PIP5K1B: variants seen among roughly 807,000 people sequenced by gnomAD.
PIP5K1B encodes the protein phosphatidylinositol 4-phosphate 5-kinase type-1 beta.
PIP5K1B carries 42 observed loss-of-function variants against 67.0 expected under a neutral mutation model. That is an observed-to-expected ratio of 0.63 (90% CI 0.49 to 0.81). PIP5K1B has a LOEUF of 0.81. Among genes scored for constraint, PIP5K1B ranks in the 30% least tolerant of loss-of-function variants. The pLI, the probability that PIP5K1B is intolerant of heterozygous loss-of-function variation, is 0.00. For synonymous variants in PIP5K1B, 214 were observed against 231.4 expected, an observed-to-expected ratio of 0.92 and a Z score of 0.68; for missense variants, 459 against 646.3, an observed-to-expected ratio of 0.71 and a Z score of 3.14.
rs113434174 is a variant in PIP5K1B at position 69,008,177 on chromosome 9, T to C, written c.1621-270T>C. On this transcript the variant is annotated intron_variant, in intron 15 of 15. Transcript: ENST00000265382. ...CTTGGAGGGCAGGAGGGTGTCTTAGTCAGTGTTGCTTCCTTCCAAGTCCCG... is the reference window on the plus strand; with the variant it reads ...CTTGGAGGGCAGGAGGGTGTCTTAGCCAGTGTTGCTTCCTTCCAAGTCCCG... Among the ~76,000 whole-genome samples the C allele has an allele frequency of 1.9e-3, 292 of 152,322 alleles. 2 individuals carry two copies. The highest frequency in any genetic ancestry group is 6.6e-3 in the African/African-American group (275 of 41,562).
chr9:68,849,381 ATTTTAT>A (rs1822363991), intron 4 of PIP5K1B, among the ~76,000 whole-genome samples: 1 of 152,080 alleles, frequency 6.6e-6, no homozygotes, highest in African/African-American at 2.4e-5. Flanking sequence ...TCTCATTTTA[ATTTTAT>A]TTTTATTTTT....
chr9:68,714,418 T>C (rs988287141), intron 1 of PIP5K1B, among the ~76,000 whole-genome samples: 11 of 152,226 alleles, frequency 7.2e-5, no homozygotes, highest in Admixed American at 2.6e-4. Flanking sequence ...CTGCTTCTCA[T>C]CATTTGTGCG....
At chr9:68,832,434 A>G (rs924431768) in intron 4 of PIP5K1B, among the ~76,000 whole-genome samples, 2 of 152,246 alleles carry the variant, frequency 1.3e-5, no homozygotes, top group Admixed American at 6.5e-5. Flanking sequence ...ATTTTCCTCT[A>G]TGGGAATCCA....
chr9:68,789,193 G>A, intron 2 of PIP5K1B: 1 of 536,636 alleles, frequency 1.9e-6, no homozygotes, highest in South Asian at 1.7e-5. Context: ...CCAGTGGGAA[G>A]TTGGTCACCC....
chr9:68,752,899 A>G (rs1447215237), intron 2 of PIP5K1B, among the ~76,000 whole-genome samples: 9 of 152,136 alleles, frequency 5.9e-5, no homozygotes, highest in African/African-American at 2.2e-4. Flanking sequence ...TAGTTGTTAG[A>G]TCTAATATTT....
chr9:68,724,549 C>G (rs1828060987), intron 1 of PIP5K1B, among the ~76,000 whole-genome samples: 1 of 152,056 alleles, frequency 6.6e-6, no homozygotes, highest in Non-Finnish European at 1.5e-5. Flanking sequence ...TAACAATATT[C>G]TTCCAATCTC....
chr9:68,971,607 A>C (rs1727809166), intron 14 of PIP5K1B, among the ~76,000 whole-genome samples: 1 of 152,228 alleles, frequency 6.6e-6, no homozygotes, highest in Admixed American at 6.5e-5. Flanking sequence ...TTACAGTCCC[A>C]CCAGCAGTGT....
intron 2 of PIP5K1B, chr9:68,784,722 G>A (rs1165696738): frequency 1.3e-5 from 2 of 157,432 alleles, no homozygotes; most frequent in South Asian, 2.1e-4. Context: ...GAACCAAGAA[G>A]ATGATGATCA....
At chr9:68,920,803 TACACACAC>T (rs59573461) in intron 11 of PIP5K1B, among the ~76,000 whole-genome samples, 1 of 141,430 alleles carries the variant, frequency 7.1e-6, no homozygotes, top group Non-Finnish European at 1.5e-5. Context: ...TACACACACA[TACACACAC>T]ACACACACAC....
intron 14 of PIP5K1B, among the ~76,000 whole-genome samples, chr9:68,944,417 G>A (rs184414917): frequency 5.3e-5 from 8 of 152,248 alleles, no homozygotes; most frequent in East Asian, 1.9e-4. Flanking sequence ...CCAAAGCTCT[G>A]GTTATGCATA....
chr9:68,764,819 A>C lies in PIP5K1B; in HGVS notation c.-86+22162A>C, dbSNP rs186007610. ...CATAAACATCAATGTAGCAAAGAAA[A>C]ATTGATTTTGTAATTGATTTTGAAA... On this transcript the variant is annotated intron_variant, in intron 2 of 15. Transcript: ENST00000265382. 4.2e-3 allele frequency among the ~76,000 whole-genome samples: 641 copies of C among 152,180 alleles called. 2 individuals are homozygous for C. The highest frequency in any genetic ancestry group is 6.8e-3 in the Non-Finnish European group (464 of 67,924).
At chr9:68,900,973 A>G (rs1371095915) in intron 8 of PIP5K1B, among the ~76,000 whole-genome samples, 1 of 152,156 alleles carries the variant, frequency 6.6e-6, no homozygotes, top group African/African-American at 2.4e-5. Context: ...CATTATGGCT[A>G]TTGCTTACCA....
rs565075648 is a variant in PIP5K1B, at chr9:68,935,333, T to C, written c.1357+288T>C. 3.5e-4 allele frequency among the ~76,000 whole-genome samples: 53 copies of C among 152,182 alleles called. 2 individuals are homozygous for C. The South Asian group carries it at 0.011, about 32-fold the overall frequency. On this transcript the variant is annotated intron_variant, in intron 13 of 15. Transcript: ENST00000265382. ...AATACAAAAAATTAGTCAGGCGTGA[T>C]AGCGGGCGCCTGTAATCCCAGCTAC...
chr9:68,917,757 C>T lies in PIP5K1B; in HGVS notation c.981C>T (p.Asp327=), dbSNP rs776915180. ...SGDGIITENP[D]TMGGIPAKSH... is the part of the protein sequence containing the mutation. ...ATGGGATAATCACAGAGAACCCAGA[C>T]ACGTAAGTGCAGCCACACACCTACC... The change falls in exon 9 of 16, where the codon GAC becomes GAT. Residue 327 remains aspartate (D), a splice_region_variant and synonymous_variant. Coordinates refer to ENST00000265382, the MANE Select transcript of PIP5K1B (RefSeq NM_003558.4). 1.9e-6 allele frequency: 3 copies of T among 1,611,328 alleles called. No individual in the cohort carries two copies. The Admixed American group carries it at 5.0e-5, about 27-fold the overall frequency.
At chr9:68,837,099 G>GT (rs1834655060) in intron 4 of PIP5K1B, among the ~76,000 whole-genome samples, 1 of 152,236 alleles carries the variant, frequency 6.6e-6, no homozygotes, top group South Asian at 2.1e-4. Flanking sequence ...GCCTGGAACA[G>GT]TATCTTTGTT....
chr9:68,929,544 T>G (rs1301109548), intron 12 of PIP5K1B, among the ~76,000 whole-genome samples: 1 of 152,222 alleles, frequency 6.6e-6, no homozygotes, highest in African/African-American at 2.4e-5. Flanking sequence ...CTTTTTTTAT[T>G]TCTTGTCACT....
chr9:68,940,767 C>T lies in PIP5K1B; in HGVS notation c.1479C>T (p.Asp493=). The T allele has an allele frequency of 1.2e-6, 2 of 1,613,910 alleles. No homozygotes were observed. Among genetic ancestry groups the T allele is most frequent in the South Asian group, 1.1e-5 (1 of 91,088 alleles). The change falls in exon 14 of 16, where the codon GAC becomes GAT. Residue 493 remains aspartate (D), a synonymous_variant. Transcript: ENST00000265382. The part of the protein sequence containing the change: ...SLYVNEHYPH[D]RPTLYSNSKG... Reference sequence around the variant, plus strand: ...ACGTCAATGAGCACTATCCACACGACAGGCCTACACTCTATTCAAACAGGT... The same window carrying T: ...ACGTCAATGAGCACTATCCACACGATAGGCCTACACTCTATTCAAACAGGT...
At chr9:68,983,874 G>A (rs968509984) in intron 14 of PIP5K1B, among the ~76,000 whole-genome samples, 1 of 152,234 alleles carries the variant, frequency 6.6e-6, no homozygotes, top group African/African-American at 2.4e-5. Flanking sequence ...AATATAGGGA[G>A]ACCTCATCTC....
At chr9:68,977,655 C>CT (rs758854141) in intron 14 of PIP5K1B, among the ~76,000 whole-genome samples, 2,536 of 133,004 alleles carry the variant, frequency 0.019, 78 homozygotes, top group African/African-American at 0.059. Context: ...TTATTGGCTT[C>CT]TTTTTTTTTT....
Sources: gnomAD v4.1 joint callset for allele counts (sites outside exome capture counted in the v4.1 genomes callset) on GRCh38, gnomAD v4.1.1 for gene constraint, MANE v1.5 for transcripts, NCBI Gene and HGNC (gene_info 2026-07-23, HGNC 2026-07-21) for gene names.